Variants in CTIF observed in about 807,000 individuals in gnomAD.
CTIF encodes cap binding complex dependent translation initiation factor.
A neutral mutation model predicts 66.0 loss-of-function variants in CTIF; 21 were observed. The observed-to-expected ratio is 0.32, with a 90% CI of 0.23 to 0.46. CTIF has a LOEUF of 0.46. Among genes scored for constraint, CTIF ranks in the 20% least tolerant of loss-of-function variants. The pLI, the probability that CTIF is intolerant of heterozygous loss-of-function variation, is 1.00. For missense variants in CTIF, 739 were observed against 812.7 expected, an observed-to-expected ratio of 0.91 and a Z score of 1.10; for synonymous variants, 345 against 326.4, an observed-to-expected ratio of 1.06 and a Z score of -0.62.
At chr18:48,623,060 G>T (rs1186205000) in intron 2 of CTIF, among the ~76,000 whole-genome samples, 1 of 152,278 alleles carries the variant, frequency 6.6e-6, no homozygotes, top group Non-Finnish European at 1.5e-5. Context: ...AGCGCTTTCA[G>T]TCTGGGCTCT....
intron 1 of CTIF, among the ~76,000 whole-genome samples, chr18:48,593,628 C>T (rs923133605): frequency 2.2e-4 from 33 of 151,990 alleles, no homozygotes; most frequent in Admixed American, 5.9e-4. Context: ...GTGATCCGCC[C>T]GCCTCAGCCT....
intron 1 of CTIF, among the ~76,000 whole-genome samples, chr18:48,558,136 G>A (rs1344506510): frequency 6.6e-6 from 1 of 152,106 alleles, no homozygotes; most frequent in Non-Finnish European, 1.5e-5. Context: ...TGTGCCTTAA[G>A]GAATGGCATT....
intron 10 of CTIF, among the ~76,000 whole-genome samples, chr18:48,835,827 C>T (rs917012209): frequency 1.3e-5 from 2 of 151,360 alleles, no homozygotes; most frequent in Non-Finnish European, 2.9e-5. Flanking sequence ...TCCCACCAAG[C>T]CCCCCACCTG....
At chr18:48,689,346 C>T (rs779387977) in intron 6 of CTIF, among the ~76,000 whole-genome samples, 1 of 152,166 alleles carries the variant, frequency 6.6e-6, no homozygotes, top group Non-Finnish European at 1.5e-5. Context: ...GACAGAGTGG[C>T]CGAGTCACCT....
chr18:48,604,077 C>T (rs2090157001), intron 1 of CTIF, among the ~76,000 whole-genome samples: 1 of 150,470 alleles, frequency 6.6e-6, no homozygotes, highest in South Asian at 2.1e-4. Flanking sequence ...CTCCTGAGCT[C>T]AGGCAATCTG....
intron 6 of CTIF, among the ~76,000 whole-genome samples, chr18:48,691,973 C>G (rs951082986): frequency 6.6e-6 from 1 of 152,188 alleles, no homozygotes; most frequent in African/African-American, 2.4e-5. Context: ...CGTCTGTCTC[C>G]CGGGTTCAAG....
chr18:48,849,293 G>A (rs2069146694), intron 10 of CTIF, among the ~76,000 whole-genome samples: 1 of 150,156 alleles, frequency 6.7e-6, no homozygotes, highest in African/African-American at 2.5e-5. Flanking sequence ...TGCGACCTGG[G>A]TTCAAGCGAT....
intron 1 of CTIF, among the ~76,000 whole-genome samples, chr18:48,549,488 G>T (rs574140703): frequency 9.9e-5 from 15 of 152,178 alleles, no homozygotes; most frequent in Non-Finnish European, 2.2e-4. Flanking sequence ...GTTCATTCAG[G>T]GAGTCAGCGA....
chr18:48,640,209 G>T (rs924514650), intron 3 of CTIF, among the ~76,000 whole-genome samples: 3 of 152,224 alleles, frequency 2.0e-5, no homozygotes, highest in Non-Finnish European at 4.4e-5. Context: ...GAGCACCCCG[G>T]CTGGCTCCTT....
Position 48,812,253 on chromosome 18 carries a change from C to T in CTIF, c.1372-4968C>T, listed in dbSNP as rs141363361. ...TGCTGGGATTATAGGTGTGAGCCAC[C>T]GCGCCCAGCTGGCCATACTATTTTT... On this transcript the variant is annotated intron_variant, in intron 9 of 11. Transcript: ENST00000256413. Among the ~76,000 whole-genome samples, 684 of 152,296 alleles carry T rather than the reference C, an allele frequency of 4.5e-3. 1 individual carries two copies. The highest frequency in any genetic ancestry group is 0.02 in the Middle Eastern group (6 of 294).
At chr18:48,832,418 C>T (rs1406516935) in intron 10 of CTIF, among the ~76,000 whole-genome samples, 1 of 152,144 alleles carries the variant, frequency 6.6e-6, no homozygotes, top group Admixed American at 6.5e-5. Context: ...GCAATCCCGC[C>T]TCAGCCTCCC....
At chr18:48,589,770 G>T (rs72925532) in intron 1 of CTIF, among the ~76,000 whole-genome samples, 1 of 152,196 alleles carries the variant, frequency 6.6e-6, no homozygotes, top group Non-Finnish European at 1.5e-5. Context: ...TGTGTGGGGG[G>T]AGCTGGGAGA....
intron 9 of CTIF, among the ~76,000 whole-genome samples, chr18:48,801,841 AG>A (rs1167159326): frequency 6.6e-6 from 1 of 152,234 alleles, no homozygotes; most frequent in African/African-American, 2.4e-5. Context: ...TGGTCCAGGC[AG>A]AAACCGTGGA....
chr18:48,681,016 C>T (rs911875641), intron 6 of CTIF, among the ~76,000 whole-genome samples: 2 of 152,208 alleles, frequency 1.3e-5, no homozygotes, highest in African/African-American at 2.4e-5. Flanking sequence ...TGGGCCTCGG[C>T]TCCCAGGCTG....
At chr18:48,741,579 T>C (rs1273036884) in intron 7 of CTIF, among the ~76,000 whole-genome samples, 1 of 152,106 alleles carries the variant, frequency 6.6e-6, no homozygotes. Context: ...TATACCACCA[T>C]GCCTGGCTAA....
At chr18:48,664,635 C>G in intron 5 of CTIF, 84 bp downstream of exon 5, 2 of 1,184,658 alleles carry the variant, frequency 1.7e-6, no homozygotes, top group Non-Finnish European at 2.5e-6. Flanking sequence ...GGCTGCTCTG[C>G]TGCACAGGGG....
At chr18:48,800,119 C>T (rs939609567) in intron 9 of CTIF, among the ~76,000 whole-genome samples, 9 of 152,184 alleles carry the variant, frequency 5.9e-5, no homozygotes, top group African/African-American at 2.2e-4. Context: ...AGAGAAGCAC[C>T]GTGGGGTGAA....
chr18:48,580,024 C>T lies in CTIF; in HGVS notation c.-28-39514C>T, dbSNP rs118101897. Among the ~76,000 whole-genome samples, 11 of 152,316 alleles carry T rather than the reference C, an allele frequency of 7.2e-5. No homozygotes were observed. The East Asian group carries it at 1.2e-3, about 16-fold the overall frequency. On this transcript the variant is annotated intron_variant, in intron 1 of 11. Transcript: ENST00000256413. Reference sequence around the variant, plus strand: ...GTGGTACTCCATCCATCCATCCGTCCGTTCATCTGTCCATCAATCAGTCTG... The same window carrying T: ...GTGGTACTCCATCCATCCATCCGTCTGTTCATCTGTCCATCAATCAGTCTG...
In CTIF at chr18:48,669,100, C is replaced by T. The variant is rs965301975; in HGVS notation, c.432-1569C>T. 2.6e-5 allele frequency among the ~76,000 whole-genome samples: 4 copies of T among 152,256 alleles called. No homozygotes were observed. In the East Asian group the frequency reaches 7.7e-4, roughly 29 times the overall value. On this transcript the variant is annotated intron_variant, in intron 5 of 11. Coordinates refer to ENST00000256413, the MANE Select transcript of CTIF (RefSeq NM_014772.3). Reference sequence around the variant, plus strand: ...TTTTATGACACCGATCTCGTGCTGCCCCCAGTGGTGCTCCGGCACCCAGCC... The same window carrying T: ...TTTTATGACACCGATCTCGTGCTGCTCCCAGTGGTGCTCCGGCACCCAGCC...
Sources: gnomAD v4.1 joint callset for allele counts (sites outside exome capture counted in the v4.1 genomes callset) on GRCh38, gnomAD v4.1.1 for gene constraint, MANE v1.5 for transcripts, NCBI Gene and HGNC (gene_info 2026-07-23, HGNC 2026-07-21) for gene names.